The following PARD3B variants were observed in gnomAD, a reference collection of about 807,000 sequenced individuals.
PARD3B encodes partitioning defective 3 homolog B.
Under a neutral mutation model 130.2 loss-of-function variants are expected in PARD3B, and 103 were observed. The ratio of observed to expected loss-of-function variants is 0.79; its 90% CI spans 0.67 to 0.93. The LOEUF (loss-of-function observed/expected upper bound fraction) is 0.93, where lower values mean the gene tolerates loss of function less well. PARD3B is among the 40% of genes least tolerant of loss of function. PARD3B has a pLI of 0.00. For missense variants in PARD3B, 1,609 were observed against 1,499.2 expected (o/e 1.07, Z -1.21); for synonymous variants, 583 against 553.2 (o/e 1.05, Z -0.76).
intron 2 of PARD3B, among the ~76,000 whole-genome samples, chr2:204,903,061 A>G (rs1354550458): frequency 6.6e-6 from 1 of 152,220 alleles, no homozygotes; most frequent in African/African-American, 2.4e-5. Context: ...GTGAGAGGAA[A>G]AGATTTACAT....
chr2:205,522,499 TA>T (rs1005693297), intron 21 of PARD3B, among the ~76,000 whole-genome samples: 9 of 151,886 alleles, frequency 5.9e-5, no homozygotes, highest in Admixed American at 2.0e-4. Context: ...CTATTGTCGT[TA>T]AAAAAAATTA....
intron 1 of PARD3B, among the ~76,000 whole-genome samples, chr2:204,598,755 T>A (rs1004751457): frequency 6.6e-6 from 1 of 152,042 alleles, no homozygotes; most frequent in Admixed American, 6.6e-5. Flanking sequence ...TAAACATTCA[T>A]TCTCCCTGTT....
At chr2:204,905,579 A>G (rs2047014174) in intron 2 of PARD3B, among the ~76,000 whole-genome samples, 1 of 152,188 alleles carries the variant, frequency 6.6e-6, no homozygotes. Context: ...ATTAATACTT[A>G]AAAAAATGAT....
rs759222920 is a variant in PARD3B at position 204,637,742 on chromosome 2, TC to T, written c.121-48436del. ...AAATTGGTTACAGCTTTTTTTTTTT[TC>T]CCTCTGTCCCCCTTGACCTCAATGT... On this transcript the variant is annotated intron_variant, in intron 1 of 22. Coordinates refer to ENST00000406610, the MANE Select transcript of PARD3B (RefSeq NM_001302769.2). 8.1e-3 allele frequency among the ~76,000 whole-genome samples: 1,217 copies of T among 150,082 alleles called. 14 individuals carry two copies. The highest frequency in any genetic ancestry group is 0.026 in the East Asian group (132 of 5,118).
chr2:205,176,701 C>T lies in PARD3B; in HGVS notation c.1924+124C>T, dbSNP rs1395970520. The T allele has an allele frequency of 8.2e-6, 9 of 1,091,234 alleles. No homozygotes were observed. Among genetic ancestry groups the T allele is most frequent in the South Asian group, 7.7e-5 (4 of 52,156 alleles). The allele number at this position is 1,091,234 out of a possible 1,614,324, so 67.6% of individuals were successfully genotyped here. A position where few individuals can be genotyped will look rare whatever the true frequency, so the allele number is the denominator to read the frequency against. The stretch of plus-strand genomic sequence containing the variant: ...TAGACTAAGTGCAGACTTTGTTACT[C>T]GGAGTCACAAACACTGAGAGAGTTG... On this transcript the variant is annotated intron_variant, in intron 13 of 22. Transcript: ENST00000406610. This position sits in a 1 kb window ranked among gnomAD's most constrained non-coding sequence, Gnocchi z 5.3.
intron 2 of PARD3B, among the ~76,000 whole-genome samples, chr2:204,950,798 A>T (rs1689704282): frequency 6.6e-6 from 1 of 152,170 alleles, no homozygotes; most frequent in Non-Finnish European, 1.5e-5. Context: ...ATTGCAGAAG[A>T]TATCTCATAG....
In PARD3B at chr2:205,309,546, G is replaced by A. The variant is rs185628643; in HGVS notation, c.2630+7845G>A. 1.5e-4 allele frequency among the ~76,000 whole-genome samples: 23 copies of A among 152,054 alleles called. No individual in the cohort carries two copies. The highest frequency in any genetic ancestry group is 3.4e-3 in the Middle Eastern group (1 of 292). The stretch of plus-strand genomic sequence containing the variant: ...ATTCTATATAAAGACATCCTGCTGT[G>A]AATTATTTTAAAAAGAACACTCCTA... On this transcript the variant is annotated intron_variant, in intron 18 of 22. Transcript: ENST00000406610. The surrounding 1 kb of genome is among the most constrained non-coding windows in gnomAD (Gnocchi z 4.7).
intron 4 of PARD3B, among the ~76,000 whole-genome samples, chr2:205,053,289 A>T (rs1017342216): frequency 6.6e-6 from 1 of 151,988 alleles, no homozygotes; most frequent in Non-Finnish European, 1.5e-5. Context: ...GGTTAAAATA[A>T]TTGATCGCCA....
chr2:205,499,960 C>T lies in PARD3B; in HGVS notation c.3109C>T (p.Arg1037Trp), dbSNP rs778405577. ...GTTGCGGAAAGAGTATTATCAGGCT[C>T]GGAGGGAAGGTTTCCCTTTATATGA... is the stretch of plus-strand genomic sequence containing the variant. ...QKLRKEYYQA[R>W]REGFPLYEDD... The change falls in exon 21 of 23, where the codon CGG becomes TGG. Residue 1037 changes from arginine (R) to tryptophan (W), a missense_variant. Transcript: ENST00000406610. The T allele has an allele frequency of 1.2e-5, 19 of 1,613,658 alleles. No homozygotes were observed. The Admixed American group carries it at 2.0e-4, about 17-fold the overall frequency.
At chr2:205,354,706 C>A (rs1222822531) in intron 18 of PARD3B, among the ~76,000 whole-genome samples, 2 of 152,140 alleles carry the variant, frequency 1.3e-5, no homozygotes, top group Non-Finnish European at 2.9e-5. Flanking sequence ...AAAGGTGTAT[C>A]CCAGAGATTA....
At chr2:205,515,723 A>G (rs1229890610) in intron 21 of PARD3B, among the ~76,000 whole-genome samples, 1 of 152,082 alleles carries the variant, frequency 6.6e-6, no homozygotes. Context: ...TAGTTTGCAA[A>G]TATTTTCTCC....
chr2:204,827,218 A>AC (rs1224757376), intron 2 of PARD3B, among the ~76,000 whole-genome samples: 2 of 152,200 alleles, frequency 1.3e-5, no homozygotes, highest in Non-Finnish European at 2.9e-5. Context: ...TGTGTATTGA[A>AC]CCAGTGTTAG....
intron 2 of PARD3B, among the ~76,000 whole-genome samples, chr2:204,846,083 GA>G (rs142969497): frequency 0.025 from 3,765 of 151,640 alleles, 106 homozygotes; most frequent in East Asian, 0.15. Context: ...TGAAGAAAAG[GA>G]AAAAAAATGC....
At chr2:204,596,353 T>A (rs2033289090) in intron 1 of PARD3B, among the ~76,000 whole-genome samples, 1 of 152,160 alleles carries the variant, frequency 6.6e-6, no homozygotes, top group South Asian at 2.1e-4. Context: ...TCCTATTTTG[T>A]TCCTATTTGT....
At chr2:205,349,354 A>G (rs908731308) in intron 18 of PARD3B, among the ~76,000 whole-genome samples, 6 of 152,174 alleles carry the variant, frequency 3.9e-5, no homozygotes, top group African/African-American at 9.7e-5. Context: ...CCACCATTTT[A>G]TATGTAATCT....
At chr2:205,071,561 C>A (rs1471334969) in intron 4 of PARD3B, among the ~76,000 whole-genome samples, 1 of 152,092 alleles carries the variant, frequency 6.6e-6, no homozygotes, top group Non-Finnish European at 1.5e-5. Flanking sequence ...GTCTTGAGTG[C>A]TATTAACTTT....
chr2:205,010,654 A>T (rs1261252191), intron 3 of PARD3B, among the ~76,000 whole-genome samples: 3 of 152,120 alleles, frequency 2.0e-5, no homozygotes, highest in African/African-American at 7.2e-5. Context: ...TCTTGAATCG[A>T]TTGCATTGCT....
At chr2:204,913,251 G>A (rs1402462192) in intron 2 of PARD3B, among the ~76,000 whole-genome samples, 1 of 152,102 alleles carries the variant, frequency 6.6e-6, no homozygotes, top group Non-Finnish European at 1.5e-5. Flanking sequence ...TCCCTCAAAT[G>A]TATAGATTGT....
At chr2:205,385,997 A>G (rs1256043849) in intron 18 of PARD3B, among the ~76,000 whole-genome samples, 1 of 152,206 alleles carries the variant, frequency 6.6e-6, no homozygotes, top group Non-Finnish European at 1.5e-5. Context: ...TTTTAATAGA[A>G]ATCACTGGCT....
Sources: gnomAD v4.1 joint callset for allele counts (sites outside exome capture counted in the v4.1 genomes callset) on GRCh38, gnomAD v4.1.1 for gene constraint, Gnocchi (gnomAD v3.1) non-coding constraint, MANE v1.5 for transcripts, NCBI Gene and HGNC (gene_info 2026-07-23, HGNC 2026-07-21) for gene names.